CCS: variants seen among roughly 807,000 people sequenced by gnomAD.
CCS encodes the protein copper chaperone for superoxide dismutase, also known as superoxide dismutase copper chaperone.
In CCS, 32 loss-of-function variants were observed where a neutral mutation model predicts 35.5. The observed-to-expected ratio is 0.90, with a 90% CI of 0.68 to 1.21. CCS has a LOEUF of 1.21. Among genes scored for constraint, CCS ranks in the 50% most tolerant of loss-of-function variants. The pLI, the probability that CCS is intolerant of heterozygous loss-of-function variation, is 0.00. For missense variants in CCS, 342 were observed against 375.4 expected, an observed-to-expected ratio of 0.91 and a Z score of 0.73; for synonymous variants, 130 against 147.2, an observed-to-expected ratio of 0.88 and a Z score of 0.84.
In CCS at chr11:66,605,546, CG is replaced by C. The variant is rs753056942; in HGVS notation, c.629del (p.Gly210GlufsTer?). ...IIDEGEDDLGRGGHPLSKITG... is the reference protein window; with the variant it reads ...IIDEGEDDLGXGGHPLSKITG... ...TGATGAGGGAGAAGATGACCTGGGC[CG>C]GGGAGGCCATCCCTTATCCAAGATC... is the stretch of plus-strand genomic sequence containing the variant. On this transcript the variant is annotated frameshift_variant, in exon 7 of 8. Transcript: ENST00000533244. LOFTEE classifies it high-confidence loss of function. The C allele has an allele frequency of 1.3e-4, 209 of 1,614,008 alleles. No individual in the cohort carries two copies. Among genetic ancestry groups the C allele is most frequent in the Non-Finnish European group, 1.6e-4 (194 of 1,179,996 alleles).
chr11:66,605,677 C>A lies in CCS; in HGVS notation c.672-25C>A, dbSNP rs776242640. ...GGGGTGGGGGCCAAACAGGTACCCA[C>A]CCCTGACCACACATTCTTCTGCAGG... On this transcript the variant is annotated intron_variant, in intron 7 of 7. Coordinates refer to ENST00000533244, the MANE Select transcript of CCS (RefSeq NM_005125.2). The A allele has an allele frequency of 4.4e-6, 7 of 1,574,954 alleles. No individual in the cohort carries two copies. In the Admixed American group the frequency reaches 1.3e-4, roughly 29 times the overall value.
intron 5 of CCS, among the ~76,000 whole-genome samples, chr11:66,603,690 C>CA (rs1858605753): frequency 6.6e-6 from 1 of 152,102 alleles, no homozygotes; most frequent in Non-Finnish European, 1.5e-5. Context: ...ACTAAAAATA[C>CA]AAAAAATTAG....
At chr11:66,595,311 C>T (rs553555700) in intron 2 of CCS, among the ~76,000 whole-genome samples, 3 of 152,234 alleles carry the variant, frequency 2.0e-5, no homozygotes, top group African/African-American at 7.2e-5. Context: ...AATGTTGAAG[C>T]TGGGTTTGCT....
chr11:66,603,884 C>T (rs1054935096), intron 5 of CCS, among the ~76,000 whole-genome samples: 2 of 150,290 alleles, frequency 1.3e-5, no homozygotes, highest in Non-Finnish European at 3.0e-5. Flanking sequence ...AAAAGTTGGC[C>T]AGGTATGGTG....
chr11:66,599,550 C>T lies in CCS; in HGVS notation c.342C>T (p.Leu114=), dbSNP rs1858539049. ...RFLQLTPERC[L]IEGTIDGLEP... Reference sequence around the variant, plus strand: ...TACAGCTGACCCCTGAGCGCTGCCTCATCGAGGGAACTATTGACGGCCTGG... The same window carrying T: ...TACAGCTGACCCCTGAGCGCTGCCTTATCGAGGGAACTATTGACGGCCTGG... The change falls in exon 4 of 8, where the codon CTC becomes CTT. Residue 114 remains leucine (L), a synonymous_variant. Coordinates refer to ENST00000533244, the MANE Select transcript of CCS (RefSeq NM_005125.2). 1.2e-6 allele frequency: 2 copies of T among 1,604,032 alleles called. No homozygotes were observed. The highest frequency in any genetic ancestry group is 3.5e-5 in the Admixed American group (2 of 57,492).
chr11:66,593,643 T>C lies in CCS; in HGVS notation c.41T>C (p.Leu14Ser). 1 of 1,613,682 alleles carries C rather than the reference T, an allele frequency of 6.2e-7. No homozygotes were observed. The highest frequency in any genetic ancestry group is 8.5e-7 in the Non-Finnish European group (1 of 1,179,970). Residue 14 changes from leucine (L) to serine (S), a missense_variant and splice_region_variant, in exon 2 of 8, where the codon TTG (leucine) becomes TCG (serine). Physicochemically the swap from Leu to Ser is moderately radical, Grantham distance 145 (BLOSUM62 -2). Coordinates refer to ENST00000533244, the MANE Select transcript of CCS (RefSeq NM_005125.2). ...GGTTGGTCCCTGCCGCCCTTGCAGT[T>C]GGAGTTCGCGGTGCAGATGACCTGT... is the stretch of plus-strand genomic sequence containing the variant. ...DSGNQGTLCT[L>S]EFAVQMTCQS... is the part of the protein sequence containing the mutation.
At chr11:66,593,355 G>T in intron 1 of CCS, 55 bp downstream of exon 1, 1 of 1,457,794 alleles carries the variant, frequency 6.9e-7, no homozygotes. Context: ...TCGGCCCCTG[G>T]GATGATCGTT....
At chr11:66,604,258 C>T (rs866180104) in intron 5 of CCS, among the ~76,000 whole-genome samples, 5 of 152,124 alleles carry the variant, frequency 3.3e-5, no homozygotes, top group Middle Eastern at 3.4e-3. Context: ...CAAAAAAAAC[C>T]GCTCTTCAGG....
chr11:66,596,955 G>A (rs529578001), intron 2 of CCS, among the ~76,000 whole-genome samples: 2 of 152,166 alleles, frequency 1.3e-5, no homozygotes, highest in African/African-American at 2.4e-5. Flanking sequence ...ACTACAGTGC[G>A]ACTTTGAGCA....
Position 66,599,656 on chromosome 11 carries a change from C to T in CCS, c.428+20C>T. 1 of 1,607,132 alleles carries T rather than the reference C, an allele frequency of 6.2e-7. No individual in the cohort carries two copies. The highest frequency in any genetic ancestry group is 8.5e-7 in the Non-Finnish European group (1 of 1,176,694). Reference sequence around the variant, plus strand: ...CAACAGGTGAGTTGTCTGAAGTCTCCCCAGTAGCATTCTCAGCTACACATT... The same window carrying T: ...CAACAGGTGAGTTGTCTGAAGTCTCTCCAGTAGCATTCTCAGCTACACATT... On this transcript the variant is annotated intron_variant, in intron 4 of 7. Transcript: ENST00000533244.
intron 5 of CCS, among the ~76,000 whole-genome samples, chr11:66,603,917 C>T (rs1427415570): frequency 1.3e-5 from 2 of 151,606 alleles, no homozygotes; most frequent in Non-Finnish European, 1.5e-5. Flanking sequence ...GTCACAGCTA[C>T]TCGGGAAGCT....
At chr11:66,600,216 A>T (rs1368517516) in intron 4 of CCS, 1 of 321,056 alleles carries the variant, frequency 3.1e-6, no homozygotes, top group Non-Finnish European at 5.6e-6. Context: ...TTCTGGACAC[A>T]GCAAAGGAAG....
intron 5 of CCS, among the ~76,000 whole-genome samples, chr11:66,602,081 G>T (rs1858580791): frequency 6.6e-6 from 1 of 152,286 alleles, no homozygotes; most frequent in South Asian, 2.1e-4. Context: ...CCTGTTCTGG[G>T]AAATTGGAGA....
At position 66,605,159 on chromosome 11, in the gene CCS, G is replaced by C. The variant is rs1322599793; in HGVS notation, c.490-180G>C. On this transcript the variant is annotated intron_variant, in intron 5 of 7. Coordinates refer to ENST00000533244, the MANE Select transcript of CCS (RefSeq NM_005125.2). ...GGACCACTTTCCACTTCCAGACAGG[G>C]CCAAGAGGACCTTGCCTGCCCAGTC... is the stretch of plus-strand genomic sequence containing the variant. 3.3e-6 allele frequency: 5 copies of C among 1,533,534 alleles called. No homozygotes were observed. The East Asian group carries it at 1.2e-4, about 38-fold the overall frequency. The allele number at this position is 1,533,534 out of a possible 1,614,324, so 95.0% of individuals were successfully genotyped here. A position where few individuals can be genotyped will look rare whatever the true frequency, so the allele number is the denominator to read the frequency against.
chr11:66,599,102 CTCTT>C lies in CCS; in HGVS notation c.113-9_113-6del. On this transcript the variant is annotated splice_polypyrimidine_tract_variant and intron_variant, in intron 2 of 7. Transcript: ENST00000533244. ...GCCAGCCTCTGTTGCCCTCTTCCCT[CTCTT>C]TCTTGCCAGGTGTCCAGGATGTGGA... 3.7e-6 allele frequency: 6 copies of C among 1,614,134 alleles called. No individual in the cohort carries two copies. Among genetic ancestry groups the C allele is most frequent in the Non-Finnish European group, 5.1e-6 (6 of 1,180,020 alleles).
chr11:66,601,977 G>T lies in CCS; in HGVS notation c.489+1428G>T, dbSNP rs532858848. On this transcript the variant is annotated intron_variant, in intron 5 of 7. Coordinates refer to ENST00000533244, the MANE Select transcript of CCS (RefSeq NM_005125.2). ...TTGAAGTCCCAACCTCAAGTGATCC[G>T]CCTGCCTTGGCCTCCCAAAGTGCTG... 3.3e-5 allele frequency among the ~76,000 whole-genome samples: 5 copies of T among 151,258 alleles called. No individual in the cohort carries two copies. The South Asian group carries it at 6.3e-4, about 19-fold the overall frequency.
At position 66,605,331 on chromosome 11, in the gene CCS, C is replaced by T; in HGVS notation, c.490-8C>T. Reference sequence around the variant, plus strand: ...CATCCCCTATACACACACTGGATCTCATTCCAGCACCGCGGAGACCTGGGC... The same window carrying T: ...CATCCCCTATACACACACTGGATCTTATTCCAGCACCGCGGAGACCTGGGC... On this transcript the variant is annotated splice_region_variant and splice_polypyrimidine_tract_variant and intron_variant, in intron 5 of 7. Coordinates refer to ENST00000533244, the MANE Select transcript of CCS (RefSeq NM_005125.2). 1.9e-6 allele frequency: 3 copies of T among 1,614,138 alleles called. No homozygotes were observed. Among genetic ancestry groups the T allele is most frequent in the Non-Finnish European group, 2.5e-6 (3 of 1,180,006 alleles).
chr11:66,600,593 A>C, intron 5 of CCS, 44 bp downstream of exon 5: 4 of 1,122,012 alleles, frequency 3.6e-6, no homozygotes, highest in Non-Finnish European at 5.0e-6. Context: ...GAGAGGACCC[A>C]AAGTCTCAGA....
Position 66,605,768 on chromosome 11 carries a change from C to T in CCS, c.738C>T (p.Cys246=), listed in dbSNP as rs201606373. Residue 246 remains cysteine (C), a synonymous_variant, in exon 8 of 8, where the codon TGC becomes TGT. Transcript: ENST00000533244. The part of the protein sequence containing the change: ...LFQNPKQICS[C]DGLTIWEERG... ...AGAACCCCAAGCAGATCTGCTCTTGCGATGGCCTCACCATCTGGGAGGAGC... is the reference window on the plus strand; with the variant it reads ...AGAACCCCAAGCAGATCTGCTCTTGTGATGGCCTCACCATCTGGGAGGAGC... The T allele has an allele frequency of 2.0e-5, 32 of 1,607,852 alleles. No individual in the cohort carries two copies. Among genetic ancestry groups the T allele is most frequent in the Admixed American group, 1.5e-4 (9 of 58,842 alleles).
Sources: gnomAD v4.1 joint callset for allele counts (sites outside exome capture counted in the v4.1 genomes callset) on GRCh38, gnomAD v4.1.1 for gene constraint, MANE v1.5 for transcripts, NCBI Gene and HGNC (gene_info 2026-07-23, HGNC 2026-07-21) for gene names.